ATP6V1A: variants seen among roughly 807,000 people sequenced by gnomAD.
The protein encoded by ATP6V1A is ATPase H+ transporting V1 subunit A, also known as V-type proton ATPase catalytic subunit A.
Under a neutral mutation model 70.1 loss-of-function variants are expected in ATP6V1A, and 18 were observed. That is an observed-to-expected ratio of 0.26 (90% confidence interval 0.18 to 0.38). The LOEUF is 0.38. ATP6V1A is among the 10% of genes least tolerant of loss of function. The pLI is 1.00. For missense variants in ATP6V1A, 424 were observed against 772.4 expected (o/e 0.55, Z 5.35); for synonymous variants, 232 against 253.8 (o/e 0.91, Z 0.82).
At chr3:113,747,694 G>A (rs377649632) in intron 1 of ATP6V1A, among the ~76,000 whole-genome samples, 1 of 152,188 alleles carries the variant, frequency 6.6e-6, no homozygotes, top group Non-Finnish European at 1.5e-5. Context: ...ACGTGCTTCG[G>A]ATGGGACTAG....
At chr3:113,754,402 A>C (rs1708624398) in intron 1 of ATP6V1A, among the ~76,000 whole-genome samples, 1 of 152,040 alleles carries the variant, frequency 6.6e-6, no homozygotes, top group Non-Finnish European at 1.5e-5. Flanking sequence ...GCACGATGGC[A>C]TGCACCTGTA....
intron 1 of ATP6V1A, among the ~76,000 whole-genome samples, chr3:113,766,263 G>A (rs1708768983): frequency 6.8e-6 from 1 of 146,666 alleles, no homozygotes; most frequent in African/African-American, 2.5e-5. Flanking sequence ...ATGGTAGAGA[G>A]CAGAGATCAT....
Position 113,789,853 on chromosome 3 carries a change from T to C in ATP6V1A, c.988+13T>C, listed in dbSNP as rs1227721271. 1 of 1,556,984 alleles carries C rather than the reference T, an allele frequency of 6.4e-7. No homozygotes were observed. The highest frequency in any genetic ancestry group is 1.4e-5 in the African/African-American group (1 of 73,730). Reference sequence around the variant, plus strand: ...TCTATTTATACTGGTGAGTATATAATTGGAATAAAAGCAGTTAACATCTGT... The same window carrying C: ...TCTATTTATACTGGTGAGTATATAACTGGAATAAAAGCAGTTAACATCTGT... On this transcript the variant is annotated intron_variant, in intron 8 of 14. Coordinates refer to ENST00000273398, the MANE Select transcript of ATP6V1A (RefSeq NM_001690.4).
In ATP6V1A at chr3:113,805,508, T is replaced by C; in HGVS notation, c.1744T>C (p.Ser582Pro). The change falls in exon 14 of 15, where the codon TCC becomes CCC. Residue 582 changes from serine (S) to proline (P), a missense_variant. Physicochemically the swap from Ser to Pro is moderately conservative, Grantham distance 74. Around this residue, in one of 9 missense-constraint regions of ATP6V1A, gnomAD observed 127 missense variants for 207.9 expected, o/e 0.61. Coordinates refer to ENST00000273398, the MANE Select transcript of ATP6V1A (RefSeq NM_001690.4). ...EHMGDILYKL[S>P]SMKFKDPLKD... ...CATGGGAGACATCCTCTATAAACTT[T>C]CCTCCATGAAATTCAAGGTATATTT... 6.2e-7 allele frequency: 1 copy of C among 1,609,946 alleles called. No individual in the cohort carries two copies. The highest frequency in any genetic ancestry group is 8.5e-7 in the Non-Finnish European group (1 of 1,178,652).
At chr3:113,749,766 G>A (rs1338234088) in intron 1 of ATP6V1A, among the ~76,000 whole-genome samples, 1 of 152,114 alleles carries the variant, frequency 6.6e-6, no homozygotes, top group African/African-American at 2.4e-5. Context: ...TGAATGTTGG[G>A]CAATTAGACA....
intron 3 of ATP6V1A, among the ~76,000 whole-genome samples, chr3:113,783,778 T>C (rs1004132532): frequency 6.6e-6 from 1 of 152,202 alleles, no homozygotes; most frequent in South Asian, 2.1e-4. Context: ...AGCTGAGTTT[T>C]TGGCAGTTGC....
In ATP6V1A at chr3:113,750,864, T is replaced by C. The variant is rs148800629; in HGVS notation, c.-14+3751T>C. On this transcript the variant is annotated intron_variant, in intron 1 of 14. Coordinates refer to ENST00000273398, the MANE Select transcript of ATP6V1A (RefSeq NM_001690.4). Reference sequence around the variant, plus strand: ...TTGGGGCATGAAGAAGAGAGTAGAATTTGAAAAGAAGCTATTACCCAAAAA... The same window carrying C: ...TTGGGGCATGAAGAAGAGAGTAGAACTTGAAAAGAAGCTATTACCCAAAAA... Among the ~76,000 whole-genome samples the C allele has an allele frequency of 2.4e-3, 363 of 152,262 alleles. 2 individuals carry two copies. Among genetic ancestry groups the C allele is most frequent in the African/African-American group, 8.5e-3 (353 of 41,564 alleles).
At chr3:113,750,041 A>G (rs1398696328) in intron 1 of ATP6V1A, among the ~76,000 whole-genome samples, 1 of 152,220 alleles carries the variant, frequency 6.6e-6, no homozygotes, top group East Asian at 1.9e-4. Context: ...GCTCTGCGTG[A>G]TCTATAAGTG....
chr3:113,780,869 A>G lies in ATP6V1A; in HGVS notation c.83-181A>G. Reference sequence around the variant, plus strand: ...AATAATCTTTGGCTTACCTCTTTATATTATACACTAAAATATATATCTATG... The same window carrying G: ...AATAATCTTTGGCTTACCTCTTTATGTTATACACTAAAATATATATCTATG... On this transcript the variant is annotated intron_variant, in intron 2 of 14. Coordinates refer to ENST00000273398, the MANE Select transcript of ATP6V1A (RefSeq NM_001690.4). 4 of 1,313,186 alleles carry G rather than the reference A, an allele frequency of 3.0e-6. No individual in the cohort carries two copies. In the South Asian group the frequency reaches 4.2e-5, roughly 14 times the overall value. 81.3% of individuals were successfully genotyped at this position (1,313,186 alleles called of 1,614,324 possible).
intron 1 of ATP6V1A, among the ~76,000 whole-genome samples, chr3:113,766,896 T>G (rs886403385): frequency 2.0e-5 from 3 of 152,150 alleles, no homozygotes; most frequent in African/African-American, 7.2e-5. Context: ...TTTGAATTAT[T>G]TATTACATAC....
Position 113,778,136 on chromosome 3 carries a change from G to A in ATP6V1A, c.-13-605G>A, listed in dbSNP as rs185987110. ...TGGGTTCAGTGGCTGGCTCACGTCT[G>A]TAGTCCCAGCACTTTGGGAGGCTGA... is the stretch of plus-strand genomic sequence containing the variant. On this transcript the variant is annotated intron_variant, in intron 1 of 14. Coordinates refer to ENST00000273398, the MANE Select transcript of ATP6V1A (RefSeq NM_001690.4). 4.6e-3 allele frequency among the ~76,000 whole-genome samples: 701 copies of A among 152,284 alleles called. 15 individuals are homozygous for A. The highest frequency in any genetic ancestry group is 0.034 in the Admixed American group (514 of 15,294).
At chr3:113,789,681 A>G (rs1709071671) in intron 7 of ATP6V1A, 51 bp from the exon 8 acceptor site, 2 of 1,422,022 alleles carry the variant, frequency 1.4e-6, no homozygotes, top group Middle Eastern at 1.9e-4. Context: ...AGGGAGGGCT[A>G]AAATGTTACC....
At chr3:113,791,166 A>G (rs1021132593) in intron 8 of ATP6V1A, among the ~76,000 whole-genome samples, 5 of 152,098 alleles carry the variant, frequency 3.3e-5, no homozygotes, top group African/African-American at 9.7e-5. Context: ...TATACCAACT[A>G]GACATGTTAG....
At chr3:113,755,570 C>T (rs1194586065) in intron 1 of ATP6V1A, among the ~76,000 whole-genome samples, 1 of 151,942 alleles carries the variant, frequency 6.6e-6, no homozygotes, top group Non-Finnish European at 1.5e-5. Context: ...CACTGCAGAC[C>T]CTGGGTGACA....
At chr3:113,777,362 G>T (rs558318308) in intron 1 of ATP6V1A, among the ~76,000 whole-genome samples, 1 of 152,160 alleles carries the variant, frequency 6.6e-6, no homozygotes, top group Admixed American at 6.5e-5. Flanking sequence ...TTGTTACATT[G>T]TGAAAAGTGC....
chr3:113,790,142 C>G (rs9863205), intron 8 of ATP6V1A, among the ~76,000 whole-genome samples: 55,112 of 150,914 alleles, frequency 0.37, 10,109 homozygotes, highest in African/African-American at 0.4. Context: ...GTGGTGGCAG[C>G]CACCTTTAAT....
intron 1 of ATP6V1A, among the ~76,000 whole-genome samples, chr3:113,755,033 G>A (rs1260994957): frequency 1.3e-5 from 2 of 151,950 alleles, no homozygotes; most frequent in African/African-American, 4.8e-5. Flanking sequence ...GTGCTTTAAT[G>A]TAAGCTGTCC....
At chr3:113,794,057 T>C (rs1028208885) in intron 8 of ATP6V1A, among the ~76,000 whole-genome samples, 1 of 152,198 alleles carries the variant, frequency 6.6e-6, no homozygotes, top group African/African-American at 2.4e-5. Context: ...GTTATTTTGC[T>C]AAGGTTAATG....
At chr3:113,750,569 C>T (rs1314146772) in intron 1 of ATP6V1A, among the ~76,000 whole-genome samples, 4 of 152,064 alleles carry the variant, frequency 2.6e-5, no homozygotes, top group African/African-American at 7.2e-5. Flanking sequence ...AATTGATTTC[C>T]CAGTCATAGA....
Sources: gnomAD v4.1 joint callset for allele counts (sites outside exome capture counted in the v4.1 genomes callset) on GRCh38, gnomAD v4.1.1 for gene constraint, gnomAD v4.1.1 regional missense constraint, MANE v1.5 for transcripts, NCBI Gene and HGNC (gene_info 2026-07-23, HGNC 2026-07-21) for gene names.